The following LRRC4C variants were observed in gnomAD, a reference collection of about 807,000 sequenced individuals.
LRRC4C encodes leucine-rich repeat-containing protein 4C.
LRRC4C carries 5 observed loss-of-function variants against 33.6 expected under a neutral mutation model. That is an observed-to-expected ratio of 0.15 (90% confidence interval 0.08 to 0.31). LRRC4C has a LOEUF of 0.31. LRRC4C is among the 10% of genes least tolerant of loss of function. The pLI is 1.00. For synonymous variants in LRRC4C, 329 were observed against 302.0 expected (o/e 1.09, Z -0.93); for missense variants, 560 against 796.7 (o/e 0.70, Z 3.58).
chr11:40,713,516 T>C (rs1946564126), intron 2 of LRRC4C, among the ~76,000 whole-genome samples: 1 of 152,148 alleles, frequency 6.6e-6, no homozygotes, highest in African/African-American at 2.4e-5. Flanking sequence ...TTTGAACAAG[T>C]GACACAAGAA....
intron 6 of LRRC4C, among the ~76,000 whole-genome samples, chr11:40,126,705 A>C (rs904629179): frequency 6.6e-6 from 1 of 152,160 alleles, no homozygotes; most frequent in Non-Finnish European, 1.5e-5. Flanking sequence ...TCACATCTGT[A>C]ATCCCAGCAC....
intron 1 of LRRC4C, among the ~76,000 whole-genome samples, chr11:41,222,089 T>C (rs1015816657): frequency 2.0e-5 from 3 of 152,150 alleles, no homozygotes; most frequent in East Asian, 1.9e-4. Context: ...AGGAGCTTGA[T>C]ATATAAGTAT....
intron 2 of LRRC4C, among the ~76,000 whole-genome samples, chr11:40,839,652 A>T (rs7938533): frequency 6.6e-6 from 1 of 152,146 alleles, no homozygotes; most frequent in Non-Finnish European, 1.5e-5. Context: ...AAAGAAGGAG[A>T]GTCATTATTC....
intron 3 of LRRC4C, among the ~76,000 whole-genome samples, chr11:40,359,600 T>C (rs1947854164): frequency 6.6e-6 from 1 of 152,142 alleles, no homozygotes; most frequent in East Asian, 1.9e-4. Context: ...CCCATCTCAA[T>C]TTATTTTGTG....
chr11:41,273,260 A>G (rs1949375551), intron 1 of LRRC4C, among the ~76,000 whole-genome samples: 1 of 152,178 alleles, frequency 6.6e-6, no homozygotes, highest in Admixed American at 6.5e-5. Context: ...CGCATGATCC[A>G]GCATCCCACT....
At chr11:40,580,315 G>A (rs142757100) in intron 3 of LRRC4C, among the ~76,000 whole-genome samples, 391 of 152,164 alleles carry the variant, frequency 2.6e-3, no homozygotes, top group Non-Finnish European at 4.4e-3. Context: ...GCAAGAGTAT[G>A]GAAAACTGCC....
At chr11:40,993,423 T>C (rs1175425038) in intron 1 of LRRC4C, among the ~76,000 whole-genome samples, 2 of 152,126 alleles carry the variant, frequency 1.3e-5, no homozygotes, top group Non-Finnish European at 2.9e-5. Flanking sequence ...AAAGTTCTAG[T>C]GGAGTTATTG....
chr11:40,676,040 A>C (rs1002611219), intron 2 of LRRC4C, among the ~76,000 whole-genome samples: 2 of 152,210 alleles, frequency 1.3e-5, no homozygotes, highest in Non-Finnish European at 2.9e-5. Flanking sequence ...ATTCACAAAA[A>C]TCAACACATT....
chr11:40,158,850 A>G (rs1020862022), intron 5 of LRRC4C, among the ~76,000 whole-genome samples: 6 of 152,330 alleles, frequency 3.9e-5, no homozygotes, highest in African/African-American at 1.4e-4. Context: ...TGAAACTCAT[A>G]TCAAATCAAT....
chr11:41,229,743 C>G (rs1591001479), intron 1 of LRRC4C, among the ~76,000 whole-genome samples: 1 of 152,050 alleles, frequency 6.6e-6, no homozygotes, highest in African/African-American at 2.4e-5. Context: ...CAGATCCAAT[C>G]AACTTCTACT....
intron 1 of LRRC4C, among the ~76,000 whole-genome samples, chr11:41,060,573 A>G (rs931036745): frequency 4.6e-5 from 7 of 152,122 alleles, no homozygotes; most frequent in African/African-American, 1.7e-4. Context: ...TTATGAGGAC[A>G]CTAATTCTGT....
At chr11:41,067,988 A>G (rs1354408610) in intron 1 of LRRC4C, among the ~76,000 whole-genome samples, 1 of 152,220 alleles carries the variant, frequency 6.6e-6, no homozygotes, top group African/African-American at 2.4e-5. Context: ...TAACATCACA[A>G]TTAAAAGAAC....
intron 4 of LRRC4C, among the ~76,000 whole-genome samples, chr11:40,283,726 C>T (rs10837377): frequency 0.59 from 67,330 of 114,966 alleles, 18,921 homozygotes; most frequent in East Asian, 0.78. Flanking sequence ...TTTTTTGAGA[C>T]GGAGTTTCAC....
chr11:40,315,779 G>C (rs1381442064), intron 4 of LRRC4C, among the ~76,000 whole-genome samples: 2 of 151,954 alleles, frequency 1.3e-5, no homozygotes, highest in East Asian at 1.9e-4. Flanking sequence ...GTAACATATA[G>C]GTCTCTGACA....
At chr11:40,908,642 C>A (rs1396564842) in intron 2 of LRRC4C, among the ~76,000 whole-genome samples, 1 of 152,074 alleles carries the variant, frequency 6.6e-6, no homozygotes, top group East Asian at 1.9e-4. Flanking sequence ...TTGTCAATCC[C>A]AAAATGAAGA....
intron 1 of LRRC4C, among the ~76,000 whole-genome samples, chr11:41,264,296 T>C (rs963025115): frequency 3.9e-5 from 6 of 152,052 alleles, no homozygotes; most frequent in African/African-American, 1.2e-4. Context: ...TTCACCATGT[T>C]GGCCAGGATG....
At chr11:40,186,252 G>C (rs944285533) in intron 5 of LRRC4C, among the ~76,000 whole-genome samples, 2 of 152,148 alleles carry the variant, frequency 1.3e-5, no homozygotes, top group African/African-American at 4.8e-5. Context: ...GACTTACCCT[G>C]TATCATAATT....
intron 1 of LRRC4C, among the ~76,000 whole-genome samples, chr11:41,173,910 A>G (rs1945085724): frequency 6.6e-6 from 1 of 152,178 alleles, no homozygotes; most frequent in South Asian, 2.1e-4. Flanking sequence ...GATATTTATT[A>G]TCAGAAAATA....
At chr11:40,185,273 T>A (rs1283794609) in intron 5 of LRRC4C, among the ~76,000 whole-genome samples, 1 of 152,162 alleles carries the variant, frequency 6.6e-6, no homozygotes, top group Non-Finnish European at 1.5e-5. Flanking sequence ...ATGGGCCACC[T>A]TGACCGTACC....
Sources: gnomAD v4.1 joint callset for allele counts (sites outside exome capture counted in the v4.1 genomes callset) on GRCh38, gnomAD v4.1.1 for gene constraint, MANE v1.5 for transcripts, NCBI Gene and HGNC (gene_info 2026-07-23, HGNC 2026-07-21) for gene names.